LRP1B: variants seen among roughly 807,000 people sequenced by gnomAD.
The protein encoded by LRP1B is LDL receptor related protein 1B.
LRP1B carries 217 observed loss-of-function variants against 556.6 expected under a neutral mutation model. The ratio of observed to expected loss-of-function variants is 0.39; its 90% CI spans 0.35 to 0.44. The LOEUF (loss-of-function observed/expected upper bound fraction) is 0.44, where lower values mean the gene tolerates loss of function less well. Among genes scored for constraint, LRP1B ranks in the 20% least tolerant of loss-of-function variants. The pLI, the probability that LRP1B is intolerant of heterozygous loss-of-function variation, is 1.00. For synonymous variants in LRP1B, 2,047 were observed against 1,865.8 expected, an observed-to-expected ratio of 1.10 and a Z score of -2.50; for missense variants, 5,053 against 5,620.8, an observed-to-expected ratio of 0.90 and a Z score of 3.23.
intron 43 of LRP1B, among the ~76,000 whole-genome samples, chr2:140,567,041 T>A (rs576976381): frequency 9.9e-4 from 151 of 152,136 alleles, no homozygotes; most frequent in African/African-American, 3.0e-3. Flanking sequence ...ACATCCCAAG[T>A]CTGAGCTGCT....
intron 55 of LRP1B, among the ~76,000 whole-genome samples, chr2:140,499,563 T>C (rs763221997): frequency 1.6e-4 from 24 of 151,990 alleles, no homozygotes; most frequent in African/African-American, 5.5e-4. Flanking sequence ...CAAACCTATA[T>C]GGTACAGGCC....
chr2:142,036,205 T>C (rs1574619370), intron 1 of LRP1B, among the ~76,000 whole-genome samples: 1 of 151,822 alleles, frequency 6.6e-6, no homozygotes, highest in East Asian at 1.9e-4. Flanking sequence ...TCATCATTTG[T>C]TATTTTCCTC....
chr2:141,747,094 C>T (rs1004420016), intron 2 of LRP1B, among the ~76,000 whole-genome samples: 2 of 152,102 alleles, frequency 1.3e-5, no homozygotes, highest in Non-Finnish European at 2.9e-5. Context: ...TAGAATATTA[C>T]AAACGATTTT....
At chr2:141,060,550 T>C (rs1453218114) in intron 8 of LRP1B, among the ~76,000 whole-genome samples, 2 of 151,892 alleles carry the variant, frequency 1.3e-5, no homozygotes, top group Middle Eastern at 3.4e-3. Context: ...CATGTTTTGC[T>C]CAAAGTTTGG....
chr2:142,055,585 T>C (rs1704639228), intron 1 of LRP1B, among the ~76,000 whole-genome samples: 2 of 152,278 alleles, frequency 1.3e-5, no homozygotes, highest in African/African-American at 4.8e-5. Context: ...CACCTTATTA[T>C]ATACCTTATC....
chr2:140,822,433 TTAAG>T (rs1380335635), intron 31 of LRP1B, among the ~76,000 whole-genome samples: 1 of 152,186 alleles, frequency 6.6e-6, no homozygotes, highest in African/African-American at 2.4e-5. Flanking sequence ...CACTTCTATT[TTAAG>T]TATGTCACAT....
At chr2:142,094,956 T>C (rs1706306028) in intron 1 of LRP1B, among the ~76,000 whole-genome samples, 1 of 151,818 alleles carries the variant, frequency 6.6e-6, no homozygotes, top group South Asian at 2.1e-4. Flanking sequence ...CCATCTTATG[T>C]ATACCAAAAT....
At chr2:141,880,467 T>C (rs1056415390) in intron 1 of LRP1B, among the ~76,000 whole-genome samples, 14 of 152,010 alleles carry the variant, frequency 9.2e-5, no homozygotes, top group Non-Finnish European at 1.8e-4. Flanking sequence ...TATATTATCA[T>C]ACAACGAAAA....
chr2:140,842,504 GATTA>G (rs1308497631), intron 29 of LRP1B, among the ~76,000 whole-genome samples: 3 of 152,104 alleles, frequency 2.0e-5, no homozygotes, highest in African/African-American at 7.2e-5. Flanking sequence ...TACTTTTCGT[GATTA>G]ATTTACAGGT....
At chr2:140,578,372 G>A (rs572107910) in intron 43 of LRP1B, among the ~76,000 whole-genome samples, 12 of 152,112 alleles carry the variant, frequency 7.9e-5, no homozygotes, top group African/African-American at 2.7e-4. Context: ...TTCCATTAAC[G>A]TAGTACCATG....
intron 1 of LRP1B, among the ~76,000 whole-genome samples, chr2:141,864,576 A>AC (rs1698345417): frequency 1.3e-5 from 2 of 151,890 alleles, no homozygotes; most frequent in African/African-American, 4.8e-5. Flanking sequence ...AAAAAAAAAA[A>AC]AAACTTATGA....
At chr2:141,326,653 ACTC>A (rs969858113) in intron 3 of LRP1B, among the ~76,000 whole-genome samples, 2 of 152,014 alleles carry the variant, frequency 1.3e-5, no homozygotes, top group African/African-American at 4.8e-5. Flanking sequence ...GGCAGGGAAT[ACTC>A]CTCTCATGTA....
At chr2:140,474,792 G>A (rs2105347049) in intron 60 of LRP1B, among the ~76,000 whole-genome samples, 1 of 151,814 alleles carries the variant, frequency 6.6e-6, no homozygotes, top group South Asian at 2.1e-4. Context: ...TGAAATCCTA[G>A]CAGTTTGCAG....
At chr2:142,037,532 A>T (rs1703924097) in intron 1 of LRP1B, among the ~76,000 whole-genome samples, 1 of 151,590 alleles carries the variant, frequency 6.6e-6, no homozygotes. Flanking sequence ...ATAATACTTA[A>T]ATTCTACTTT....
At chr2:140,979,331 A>T (rs1429361) in intron 18 of LRP1B, among the ~76,000 whole-genome samples, 133,337 of 152,154 alleles carry the variant, frequency 0.88, 58,801 homozygotes, top group East Asian at 0.97. Context: ...CTGTAAAGCA[A>T]GTGGCATTAT....
chr2:140,544,464 C>T (rs573004377), intron 43 of LRP1B, among the ~76,000 whole-genome samples: 1 of 152,000 alleles, frequency 6.6e-6, no homozygotes. Context: ...CTGATCCTCT[C>T]GCTCCTCTCA....
chr2:140,238,124 C>T (rs1290668005), intron 89 of LRP1B, 28 bp downstream of exon 89: 25 of 1,557,644 alleles, frequency 1.6e-5, no homozygotes, highest in Non-Finnish European at 2.2e-5. Context: ...TGTTAGTGCT[C>T]ACTGCCCATT....
At chr2:140,993,872 AAAATT>A (rs1365831141) in intron 16 of LRP1B, 118 bp downstream of exon 16, 2 of 982,298 alleles carry the variant, frequency 2.0e-6, no homozygotes, top group Non-Finnish European at 3.0e-6. Flanking sequence ...GGATGACTGA[AAAATT>A]AAACTAGGTT....
chr2:141,590,152 C>T (rs1432466962), intron 2 of LRP1B, among the ~76,000 whole-genome samples: 2 of 152,254 alleles, frequency 1.3e-5, no homozygotes, highest in East Asian at 3.9e-4. Flanking sequence ...TACCCTACCA[C>T]TTCACAGCCT....
Sources: allele counts gnomAD v4.1 joint callset (sites outside exome capture counted in the v4.1 genomes callset), GRCh38; gene constraint gnomAD v4.1.1; transcripts MANE v1.5; gene names NCBI Gene and HGNC (gene_info 2026-07-23, HGNC 2026-07-21).